The following P3H2 variants were observed in gnomAD, a reference collection of about 807,000 sequenced individuals.
P3H2 encodes the protein leprecan-like 1.
In P3H2, 80 loss-of-function variants were observed where a neutral mutation model predicts 87.0. That is an observed-to-expected ratio of 0.92 (90% CI 0.77 to 1.11). The LOEUF is 1.11. Ranked by LOEUF, P3H2 falls within the 50% of genes least tolerant of loss-of-function variation. The pLI is 0.00. For missense variants in P3H2, 1,001 were observed against 923.9 expected (o/e 1.08, Z -1.08); for synonymous variants, 367 against 359.3 (o/e 1.02, Z -0.24).
chr3:190,107,205 T>C (rs977416054), intron 1 of P3H2, among the ~76,000 whole-genome samples: 1 of 152,206 alleles, frequency 6.6e-6, no homozygotes, highest in Non-Finnish European at 1.5e-5. Context: ...TTTTTCGTTA[T>C]TAGTTTAATG....
intron 10 of P3H2, 23 bp downstream of exon 10, chr3:189,973,886 C>T (rs755389923): frequency 4.4e-6 from 7 of 1,582,828 alleles, no homozygotes; most frequent in African/African-American, 4.0e-5. Flanking sequence ...GGAACTCAAA[C>T]CCAAAAGAAG....
chr3:189,977,738 C>T (rs1723394755), intron 8 of P3H2, among the ~76,000 whole-genome samples: 1 of 151,716 alleles, frequency 6.6e-6, no homozygotes, highest in South Asian at 2.1e-4. Flanking sequence ...GTAGCTGGGA[C>T]TATAGGCACG....
chr3:190,011,145 C>T (rs570577425), intron 1 of P3H2, among the ~76,000 whole-genome samples: 203 of 152,034 alleles, frequency 1.3e-3, no homozygotes, highest in African/African-American at 4.8e-3. Flanking sequence ...CATGGTGGCA[C>T]GCACCTGTAG....
intron 1 of P3H2, among the ~76,000 whole-genome samples, chr3:190,050,771 A>G (rs143070531): frequency 2.2e-4 from 33 of 152,304 alleles, no homozygotes; most frequent in African/African-American, 7.5e-4. Flanking sequence ...TTATAAAGTT[A>G]TAATATCTCA....
intron 1 of P3H2, among the ~76,000 whole-genome samples, chr3:190,004,400 C>T (rs1490268615): frequency 1.3e-5 from 2 of 152,084 alleles, no homozygotes; most frequent in Non-Finnish European, 2.9e-5. Flanking sequence ...TTATTTATTT[C>T]GAGACGGAGT....
chr3:190,080,175 A>G (rs1258991567), intron 1 of P3H2, among the ~76,000 whole-genome samples: 1 of 152,190 alleles, frequency 6.6e-6, no homozygotes, highest in Non-Finnish European at 1.5e-5. Flanking sequence ...GCATAGACAA[A>G]AATCACAGAC....
At position 190,120,781 on chromosome 3, in the gene P3H2, G is replaced by A. The variant is rs935264678; in HGVS notation, c.-50C>T. 2.7e-6 allele frequency: 4 copies of A among 1,502,208 alleles called. No homozygotes were observed. Among genetic ancestry groups the A allele is most frequent in the Admixed American group, 2.1e-5 (1 of 48,256 alleles). The allele number at this position is 1,502,208 out of a possible 1,614,324, so 93.1% of individuals were successfully genotyped here. On this transcript the variant is annotated 5_prime_UTR_variant, in exon 1 of 15. Coordinates refer to ENST00000319332, the MANE Select transcript of P3H2 (RefSeq NM_018192.4). ...CGGTTACGCTCGAGAGGGCTTCGGG[G>A]CACCTCGCGTCCGGGTCCCCTCTCC...
At chr3:190,119,984 T>C (rs940801375) in intron 1 of P3H2, among the ~76,000 whole-genome samples, 5 of 152,210 alleles carry the variant, frequency 3.3e-5, no homozygotes, top group Admixed American at 2.6e-4. Context: ...TAGTGCTGAA[T>C]GGGTACTTTA....
chr3:190,028,115 G>T (rs757960582), intron 1 of P3H2, among the ~76,000 whole-genome samples: 1 of 151,990 alleles, frequency 6.6e-6, no homozygotes, highest in African/African-American at 2.4e-5. Context: ...CATATTTCTA[G>T]AAGAATGATT....
rs76823445 is a variant in P3H2, at chr3:189,991,237, A to G, written c.824-2199T>C. On this transcript the variant is annotated intron_variant, in intron 3 of 14. Transcript: ENST00000319332. Reference sequence around the variant, plus strand: ...AACTTTCAGGAAAATATCCTCAATAATTGAGATTGCTGTATTGAATTTAGG... The same window carrying G: ...AACTTTCAGGAAAATATCCTCAATAGTTGAGATTGCTGTATTGAATTTAGG... 7.4e-3 allele frequency among the ~76,000 whole-genome samples: 1,130 copies of G among 152,332 alleles called. 11 individuals are homozygous for G. The highest frequency in any genetic ancestry group is 0.026 in the African/African-American group (1,065 of 41,570).
rs10679470 is a variant in P3H2 at position 189,960,943 on chromosome 3, C to CTTT, written c.2035-2942_2035-2940dup. Among the ~76,000 whole-genome samples the CTTT allele has an allele frequency of 2.6e-4, 37 of 144,982 alleles. 2 individuals carry two copies. Among genetic ancestry groups the CTTT allele is most frequent in the East Asian group, 1.0e-3 (5 of 4,984 alleles). ...ACTTTACAAATATAAGGAAAACAAT[C>CTTT]TTTTTTTTTTTTTTCAAGACAGAGT... On this transcript the variant is annotated intron_variant, in intron 14 of 14. Transcript: ENST00000319332.
chr3:190,083,789 C>T (rs527641811), intron 1 of P3H2, among the ~76,000 whole-genome samples: 19 of 152,288 alleles, frequency 1.2e-4, no homozygotes, highest in African/African-American at 4.6e-4. Context: ...GAGCCACTCT[C>T]GGCTACATGA....
At chr3:190,092,420 CAAG>C (rs912260788) in intron 1 of P3H2, among the ~76,000 whole-genome samples, 1 of 152,168 alleles carries the variant, frequency 6.6e-6, no homozygotes, top group African/African-American at 2.4e-5. Context: ...CAAAACCCTC[CAAG>C]AAGACAGTTG....
At chr3:190,041,110 A>C (rs1217458523) in intron 1 of P3H2, among the ~76,000 whole-genome samples, 1,942 of 62,816 alleles carry the variant, frequency 0.031, 205 homozygotes, top group African/African-American at 0.19. Flanking sequence ...TATATATACT[A>C]TATATATATA....
chr3:190,026,789 T>C (rs1270596670), intron 1 of P3H2, among the ~76,000 whole-genome samples: 1 of 152,194 alleles, frequency 6.6e-6, no homozygotes, highest in Non-Finnish European at 1.5e-5. Flanking sequence ...ACATAAAGAT[T>C]AAAGTAAAAT....
intron 1 of P3H2, among the ~76,000 whole-genome samples, chr3:190,031,577 C>T (rs1046753078): frequency 2.0e-5 from 3 of 151,308 alleles, no homozygotes; most frequent in Non-Finnish European, 4.4e-5. Context: ...GTAGAGGCTG[C>T]GGTGAGCCAA....
chr3:189,992,077 G>T (rs1052036566), intron 3 of P3H2, among the ~76,000 whole-genome samples: 8 of 152,070 alleles, frequency 5.3e-5, no homozygotes, highest in Non-Finnish European at 7.4e-5. Flanking sequence ...TATTAGGTGA[G>T]TAGTGCTTTT....
intron 2 of P3H2, 97 bp from the exon 3 acceptor site, chr3:189,994,380 T>TC: frequency 1.0e-6 from 1 of 984,922 alleles, no homozygotes; most frequent in Non-Finnish European, 1.6e-6. Flanking sequence ...TGACTCAGGA[T>TC]CATCTAGGTA....
At chr3:190,070,227 CATT>C (rs1322980504) in intron 1 of P3H2, among the ~76,000 whole-genome samples, 2 of 150,926 alleles carry the variant, frequency 1.3e-5, no homozygotes, top group Admixed American at 6.6e-5. Flanking sequence ...TTATTGTTAT[CATT>C]ATTATTATTT....
Sources: allele counts gnomAD v4.1 joint callset (sites outside exome capture counted in the v4.1 genomes callset), GRCh38; gene constraint gnomAD v4.1.1; transcripts MANE v1.5; gene names NCBI Gene and HGNC (gene_info 2026-07-23, HGNC 2026-07-21).